ANO1: variants seen among roughly 807,000 people sequenced by gnomAD.
The protein encoded by ANO1 is anoctamin 1.
ANO1 carries 59 observed loss-of-function variants against 124.0 expected under a neutral mutation model. The ratio of observed to expected loss-of-function variants is 0.48; its 90% CI spans 0.39 to 0.59. The LOEUF (loss-of-function observed/expected upper bound fraction) is 0.59, where lower values mean the gene tolerates loss of function less well. Among genes scored for constraint, ANO1 ranks in the 20% least tolerant of loss-of-function variants. The pLI is 0.00. For missense variants in ANO1, 1,059 were observed against 1,328.0 expected (o/e 0.80, Z 3.15); for synonymous variants, 529 against 532.0 (o/e 0.99, Z 0.08).
chr11:70,170,034 C>T (rs1264067088), intron 21 of ANO1: 2 of 397,044 alleles, frequency 5.0e-6, no homozygotes, highest in Non-Finnish European at 1.0e-5. Flanking sequence ...GAGGCAGCTC[C>T]CGGGTGGGAT....
intron 2 of ANO1, among the ~76,000 whole-genome samples, chr11:70,088,891 A>G (rs550885785): frequency 8.5e-5 from 13 of 152,304 alleles, no homozygotes; most frequent in African/African-American, 2.9e-4. Flanking sequence ...TGTGCTCTGA[A>G]GCCCTGCTCC....
intron 1 of ANO1, among the ~76,000 whole-genome samples, chr11:70,079,880 G>C (rs1474002612): frequency 6.6e-6 from 1 of 152,208 alleles, no homozygotes; most frequent in African/African-American, 2.4e-5. Flanking sequence ...CACAGTGGAG[G>C]GGGGTGGCCT....
the ANO1 span, among the ~76,000 whole-genome samples, chr11:69,971,468 A>G: frequency 6.6e-6 from 1 of 152,212 alleles, no homozygotes; most frequent in East Asian, 1.9e-4. Context: ...ATTTGTATAG[A>G]GGCCACTTGC....
chr11:70,041,230 T>A (rs899369098), intron 1 of ANO1, among the ~76,000 whole-genome samples: 8 of 152,182 alleles, frequency 5.3e-5, no homozygotes, highest in African/African-American at 1.2e-4. Flanking sequence ...GTCTTGTGAG[T>A]GCTATTTGGC....
In ANO1 at chr11:70,155,843, G is replaced by T. The variant is rs2135674200; in HGVS notation, c.1426-68G>T. ...TGCCAAGATGGGGACGGTTCCCTGG[G>T]CCCCGCGGTCTGCGGTGCCGCCTCC... On this transcript the variant is annotated intron_variant, in intron 14 of 25. Coordinates refer to ENST00000355303, the MANE Select transcript of ANO1 (RefSeq NM_018043.7). The T allele has an allele frequency of 4.2e-6, 6 of 1,419,462 alleles. 1 individual carries two copies. In the South Asian group the frequency reaches 8.2e-5, roughly 19 times the overall value. 87.9% of individuals were successfully genotyped at this position (1,419,462 alleles called of 1,614,324 possible).
intron 1 of ANO1, among the ~76,000 whole-genome samples, chr11:70,047,332 A>T (rs1332722829): frequency 6.6e-6 from 1 of 152,158 alleles, no homozygotes. Flanking sequence ...CTATAAACCC[A>T]AAAGTATTCT....
upstream of ANO1, among the ~76,000 whole-genome samples, chr11:69,981,379 G>A (rs1035529438): frequency 6.6e-6 from 1 of 152,202 alleles, no homozygotes. Context: ...CTTGCTGCAC[G>A]GATTCGATGA....
chr11:70,180,103 T>A (rs1160584359), intron 23 of ANO1, 47 bp downstream of exon 23: 10 of 1,564,138 alleles, frequency 6.4e-6, no homozygotes, highest in Non-Finnish European at 8.8e-6. Flanking sequence ...CCGGCTGAAC[T>A]GCCAGGTGGC....
chr11:69,983,871 A>G (rs1855978782), upstream of ANO1, among the ~76,000 whole-genome samples: 1 of 152,264 alleles, frequency 6.6e-6, no homozygotes, highest in Non-Finnish European at 1.5e-5. Context: ...ATGAATCAAC[A>G]TCTATTAATG....
At position 70,182,665 on chromosome 11, in the gene ANO1, G is replaced by A; in HGVS notation, c.2567G>A (p.Gly856Asp). 6.2e-7 allele frequency: 1 copy of A among 1,602,394 alleles called. No homozygotes were observed. The highest frequency in any genetic ancestry group is 1.7e-5 in the Admixed American group (1 of 58,620). Residue 856 changes from glycine (G) to aspartate (D), a missense_variant, in exon 24 of 26, where the codon GGC becomes GAC. Physicochemically the swap from Gly to Asp is moderately conservative, Grantham distance 94. This residue lies in a region of ANO1 where 809 missense variants were observed against 1,094.9 expected (regional missense o/e 0.74). Transcript: ENST00000355303. ...GTAPNDPLDL[G>D]YEVQICRYKD... ...GCCCCCAATGACCCCCTGGACCTGG[G>A]CTACGAGGTGCAGATCTGCAGGTAC... is the stretch of plus-strand genomic sequence containing the variant.
chr11:70,038,472 G>C (rs1555004672), intron 1 of ANO1, among the ~76,000 whole-genome samples: 1 of 152,194 alleles, frequency 6.6e-6, no homozygotes, highest in African/African-American at 2.4e-5. Context: ...AAGACTGCTA[G>C]TGAGCAGCAC....
intron 18 of ANO1, 78 bp from the exon 19 acceptor site, chr11:70,163,205 C>A: frequency 6.7e-7 from 1 of 1,488,140 alleles, no homozygotes; most frequent in Non-Finnish European, 9.2e-7. Context: ...ACACGCTGCA[C>A]AGTCCCCACT....
intron 8 of ANO1, 147 bp downstream of exon 8, chr11:70,116,646 C>G (rs1466097523): frequency 3.0e-6 from 2 of 662,922 alleles, no homozygotes; most frequent in African/African-American, 1.8e-5. Context: ...AGCGGGTGTC[C>G]CCTCTCACCT....
chr11:70,074,991 C>CA (rs1231140244), upstream of ANO1: 1 of 152,296 alleles, frequency 6.6e-6, no homozygotes, highest in African/African-American at 2.4e-5. Flanking sequence ...GGAGACACTT[C>CA]AGCCTCACTT....
At chr11:70,111,249 A>G in intron 6 of ANO1, 2 of 463,738 alleles carry the variant, frequency 4.3e-6, no homozygotes, top group South Asian at 1.6e-5. Context: ...TCCAAATTGT[A>G]TGTGTGTTTT....
chr11:69,973,198 C>T, the ANO1 span, among the ~76,000 whole-genome samples: 5 of 152,124 alleles, frequency 3.3e-5, no homozygotes, highest in Admixed American at 6.5e-5. Flanking sequence ...CGTGAGCCAC[C>T]GCGCCCAGCT....
At position 70,078,368 on chromosome 11, in the gene ANO1, G is replaced by C. The variant is rs2044092905; in HGVS notation, c.-239G>C. 6.7e-6 allele frequency: 1 copy of C among 149,632 alleles called. No homozygotes were observed. The highest frequency in any genetic ancestry group is 6.7e-5 in the Admixed American group (1 of 15,018). The allele number at this position is 149,632 out of a possible 1,614,324, so 9.3% of individuals were successfully genotyped here. ...GGCCGGCCCGCGGGACCAGCAGCCG[G>C]GTGGCGGCGCGATCGGCCCCGAGAG... On this transcript the variant is annotated 5_prime_UTR_variant, in exon 1 of 26. Coordinates refer to ENST00000355303, the MANE Select transcript of ANO1 (RefSeq NM_018043.7).
chr11:70,002,214 A>G (rs4450194), intron 1 of ANO1, among the ~76,000 whole-genome samples: 109,953 of 151,850 alleles, frequency 0.72, 40,479 homozygotes, highest in East Asian at 0.97. Flanking sequence ...ACTTTGGGAG[A>G]CCAAGGCAGG....
Position 70,102,863 on chromosome 11 carries a change from C to G in ANO1, c.442-203C>G, listed in dbSNP as rs896670182. On this transcript the variant is annotated intron_variant, in intron 2 of 25. Transcript: ENST00000355303. ...CCCGTATGACCTGGGGGAGCTCCCA[C>G]AGCCCCCTGCACTTCCTCCCACCTT... 3.3e-5 allele frequency among the ~76,000 whole-genome samples: 5 copies of G among 152,310 alleles called. No individual in the cohort carries two copies. In the South Asian group the frequency reaches 1.0e-3, roughly 32 times the overall value.
Sources: gnomAD v4.1 joint callset for allele counts (sites outside exome capture counted in the v4.1 genomes callset) on GRCh38, gnomAD v4.1.1 for gene constraint, gnomAD v4.1.1 regional missense constraint, MANE v1.5 for transcripts, NCBI Gene and HGNC (gene_info 2026-07-23, HGNC 2026-07-21) for gene names.